Variants in MEX3A observed in about 807,000 individuals in gnomAD.
The protein encoded by MEX3A is mex-3 RNA binding family member A, also known as RNA-binding protein MEX3A.
Under a neutral mutation model 30.0 loss-of-function variants are expected in MEX3A, and 4 were observed. The observed-to-expected ratio is 0.13, with a 90% CI of 0.07 to 0.30. MEX3A has a LOEUF of 0.30. Ranked by LOEUF, MEX3A falls within the 10% of genes least tolerant of loss-of-function variation. MEX3A has a pLI of 1.00. For missense variants in MEX3A, 555 were observed against 736.7 expected, an observed-to-expected ratio of 0.75 and a Z score of 2.86; for synonymous variants, 335 against 327.6, an observed-to-expected ratio of 1.02 and a Z score of -0.24.
chr1:156,081,887 G>T lies in MEX3A; in HGVS notation c.112C>A (p.Leu38Ile). 1 of 1,523,100 alleles carries T rather than the reference G, an allele frequency of 6.6e-7. No homozygotes were observed. Among genetic ancestry groups the T allele is most frequent in the South Asian group, 1.2e-5 (1 of 80,860 alleles). 94.3% of individuals were successfully genotyped at this position (1,523,100 alleles called of 1,614,324 possible). A position where few individuals can be genotyped will look rare whatever the true frequency, so the allele number is the denominator to read the frequency against. ...DRGLLEDERA[L>I]QLALDQLCLL... ...CAGAGTTGATCGAGAGCCAGCTGAA[G>T]GGCGCGCTCGTCTTCCAGCAGCCCT... The change falls in exon 1 of 2, where the codon CTT becomes ATT. Residue 38 changes from leucine to isoleucine, a missense_variant. Around this residue, in one of 6 missense-constraint regions of MEX3A, gnomAD observed 159 missense variants for 159.9 expected, o/e 0.99. Coordinates refer to ENST00000532414, the MANE Select transcript of MEX3A (RefSeq NM_001093725.2).
intron 1 of MEX3A, among the ~76,000 whole-genome samples, chr1:156,080,964 TGACCACAG>T (rs958667340): frequency 1.3e-5 from 2 of 152,042 alleles, no homozygotes; most frequent in African/African-American, 4.8e-5. Context: ...GGGGTGTGGG[TGACCACAG>T]GACCCCCTCC....
chr1:156,081,980 A>G lies in MEX3A; in HGVS notation c.19T>C (p.Ser7Pro). The change falls in exon 1 of 2, where the codon TCT becomes CCT. Residue 7 changes from serine (S) to proline (P), a missense_variant. This residue lies in a region of MEX3A where 159 missense variants were observed against 159.9 expected (regional missense o/e 0.99). Transcript: ENST00000532414. ...CCCCCATTTCTTTCCATTATTCCAG[A>G]TACCACTAGACTAGGCATGGCGAAA... MPSLVVSGIMERNGGFG... is the reference protein window; with the variant it reads MPSLVVPGIMERNGGFG... The G allele has an allele frequency of 6.5e-7, 1 of 1,532,290 alleles. No individual in the cohort carries two copies. Among genetic ancestry groups the G allele is most frequent in the Non-Finnish European group, 8.8e-7 (1 of 1,137,860 alleles). 94.9% of individuals were successfully genotyped at this position (1,532,290 alleles called of 1,614,324 possible). A position where few individuals can be genotyped will look rare whatever the true frequency, so the allele number is the denominator to read the frequency against.
intron 1 of MEX3A, among the ~76,000 whole-genome samples, chr1:156,079,541 T>C (rs1648163257): frequency 6.6e-6 from 1 of 152,198 alleles, no homozygotes; most frequent in African/African-American, 2.4e-5. Flanking sequence ...TAAAAGACCT[T>C]AAGAAGGAAA....
rs1648011371 is a variant in MEX3A, at chr1:156,074,780, T to G, written c.*1794A>C. ...GGAAGTCGTCACAGGGCAGTTTTCT[T>G]GGCTGTGACCTCCTTCCCCACCCCT... On this transcript the variant is annotated 3_prime_UTR_variant, in exon 2 of 2. Transcript: ENST00000532414. 6.6e-6 allele frequency: 1 copy of G among 152,590 alleles called. No homozygotes were observed. Among genetic ancestry groups the G allele is most frequent in the South Asian group, 2.1e-4 (1 of 4,824 alleles). 9.5% of individuals were successfully genotyped at this position (152,590 alleles called of 1,614,324 possible).
chr1:156,078,027 C>G (rs763602070), intron 1 of MEX3A, among the ~76,000 whole-genome samples: 1 of 152,176 alleles, frequency 6.6e-6, no homozygotes, highest in Non-Finnish European at 1.5e-5. Context: ...ACAAACTACA[C>G]TCCTTTCTCC....
chr1:156,076,436 C>T lies in MEX3A; in HGVS notation c.*138G>A. 1 of 912,872 alleles carries T rather than the reference C, an allele frequency of 1.1e-6. No individual in the cohort carries two copies. The highest frequency in any genetic ancestry group is 1.6e-6 in the Non-Finnish European group (1 of 625,534). The allele number at this position is 912,872 out of a possible 1,614,324, so 56.5% of individuals were successfully genotyped here. On this transcript the variant is annotated 3_prime_UTR_variant, in exon 2 of 2. Transcript: ENST00000532414. The surrounding 1 kb of genome is among the most constrained non-coding windows in gnomAD (Gnocchi z 6.0). ...TGGCGCACCCTCCAGCCACCACTGC[C>T]TCCCTCCCCCCTTCCCCAGCGAGCG...
rs1285623463 is a variant in MEX3A, at chr1:156,076,971, G to A, written c.1166C>T (p.Pro389Leu). 2.5e-6 allele frequency: 4 copies of A among 1,612,070 alleles called. No individual in the cohort carries two copies. Among genetic ancestry groups the A allele is most frequent in the Non-Finnish European group, 3.4e-6 (4 of 1,179,264 alleles). The change falls in exon 2 of 2, where the codon CCC (proline) becomes CTC (leucine). Residue 389 changes from proline (P) to leucine (L), a missense_variant. Pro to Leu is a moderately conservative substitution (Grantham distance 98, BLOSUM62 -3). Coordinates refer to ENST00000532414, the MANE Select transcript of MEX3A (RefSeq NM_001093725.2). The surrounding 1 kb of genome is among the most constrained non-coding windows in gnomAD (Gnocchi z 6.0). ...GTTCTCCTGGCCCGCCCACAGCGGG[G>A]GGCTAGTCTCGGCCACGCCGTAGTA... ...DVYYGVAETS[P>L]PLWAGQENAT...
At chr1:156,081,426 C>A (rs1388741081) in intron 1 of MEX3A, 119 bp downstream of exon 1, 1 of 868,274 alleles carries the variant, frequency 1.2e-6, no homozygotes, top group East Asian at 3.0e-5. Flanking sequence ...GGCGGGTCCC[C>A]CTTTGTGGGG....
At chr1:156,079,169 G>C (rs530180335) in intron 1 of MEX3A, among the ~76,000 whole-genome samples, 2 of 152,176 alleles carry the variant, frequency 1.3e-5, no homozygotes, top group African/African-American at 2.4e-5. Flanking sequence ...TGGCAGATTG[G>C]GGGGTGAGGG....
At chr1:156,078,354 A>G (rs1318015257) in intron 1 of MEX3A, among the ~76,000 whole-genome samples, 1 of 152,030 alleles carries the variant, frequency 6.6e-6, no homozygotes, top group Non-Finnish European at 1.5e-5. Flanking sequence ...AGGTCTGACA[A>G]TCATAAGTTC....
chr1:156,075,653 C>G lies in MEX3A; in HGVS notation c.*921G>C, dbSNP rs1648037672. 1 of 152,830 alleles carries G rather than the reference C, an allele frequency of 6.5e-6. No individual in the cohort carries two copies. The highest frequency in any genetic ancestry group is 2.1e-4 in the South Asian group (1 of 4,830). The allele number at this position is 152,830 out of a possible 1,614,324, so 9.5% of individuals were successfully genotyped here. On this transcript the variant is annotated 3_prime_UTR_variant, in exon 2 of 2. Coordinates refer to ENST00000532414, the MANE Select transcript of MEX3A (RefSeq NM_001093725.2). ...AGGGACCATCCAAATATTCCTCCCC[C>G]TACTTCTCCCCAGAAGGATGGTGTC... is the stretch of plus-strand genomic sequence containing the variant.
chr1:156,080,503 C>T (rs1472433684), intron 1 of MEX3A, among the ~76,000 whole-genome samples: 2 of 152,112 alleles, frequency 1.3e-5, no homozygotes, highest in African/African-American at 2.4e-5. Context: ...GCTCCTCCCC[C>T]ACCCCACACC....
chr1:156,080,550 C>T (rs1366445916), intron 1 of MEX3A, among the ~76,000 whole-genome samples: 1 of 151,960 alleles, frequency 6.6e-6, no homozygotes, highest in South Asian at 2.1e-4. Context: ...CCAAATCCTG[C>T]CCCCCACACT....
chr1:156,077,223 A>G lies in MEX3A; in HGVS notation c.914T>C (p.Leu305Pro). 1 of 1,613,672 alleles carries G rather than the reference A, an allele frequency of 6.2e-7. No individual in the cohort carries two copies. Among genetic ancestry groups the G allele is most frequent in the Non-Finnish European group, 8.5e-7 (1 of 1,179,838 alleles). The change falls in exon 2 of 2, where the codon CTG becomes CCG. Residue 305 changes from leucine (L) to proline (P), a missense_variant. Leu to Pro is a moderately conservative substitution (Grantham distance 98). Coordinates refer to ENST00000532414, the MANE Select transcript of MEX3A (RefSeq NM_001093725.2). The surrounding 1 kb of genome is among the most constrained non-coding windows in gnomAD (Gnocchi z 8.3). Reference protein sequence around the residue: ...ILEYNNENDFLAGSPDAAIDS... With the variant: ...ILEYNNENDFPAGSPDAAIDS... The stretch of plus-strand genomic sequence containing the variant: ...GATTGCTGCGTCGGGGCTCCCCGCC[A>G]GGAAGTCGTTTTCATTGTTGTACTC...
At position 156,074,493 on chromosome 1, in the gene MEX3A, A is replaced by T. The variant is rs1648003794; in HGVS notation, c.*2081T>A. ...CTCTCATGCTCTCTTTCTCTCCTCTATTTTGTCTCTCACTATTCGTGTTTT... is the reference window on the plus strand; with the variant it reads ...CTCTCATGCTCTCTTTCTCTCCTCTTTTTTGTCTCTCACTATTCGTGTTTT... On this transcript the variant is annotated 3_prime_UTR_variant, in exon 2 of 2. Coordinates refer to ENST00000532414, the MANE Select transcript of MEX3A (RefSeq NM_001093725.2). The T allele has an allele frequency of 7.6e-6, 1 of 131,836 alleles. No individual in the cohort carries two copies. Among genetic ancestry groups the T allele is most frequent in the Non-Finnish European group, 1.6e-5 (1 of 63,516 alleles). 8.2% of individuals were successfully genotyped at this position (131,836 alleles called of 1,614,324 possible). A position where few individuals can be genotyped will look rare whatever the true frequency, so the allele number is the denominator to read the frequency against.
rs1648067080 is a variant in MEX3A, at chr1:156,076,507, G to A, written c.*67C>T. On this transcript the variant is annotated 3_prime_UTR_variant, in exon 2 of 2. Coordinates refer to ENST00000532414, the MANE Select transcript of MEX3A (RefSeq NM_001093725.2). This position sits in a 1 kb window ranked among gnomAD's most constrained non-coding sequence, Gnocchi z 6.0. ...CCCTCAAATCACCGCTTTCCAAAAGGCTTTAGTGGAAAACAGGTCCAGGGT... is the reference window on the plus strand; with the variant it reads ...CCCTCAAATCACCGCTTTCCAAAAGACTTTAGTGGAAAACAGGTCCAGGGT... The A allele has an allele frequency of 1.3e-5, 20 of 1,488,534 alleles. No homozygotes were observed. The highest frequency in any genetic ancestry group is 1.8e-4 in the Middle Eastern group (1 of 5,584). 92.2% of individuals were successfully genotyped at this position (1,488,534 alleles called of 1,614,324 possible). A position where few individuals can be genotyped will look rare whatever the true frequency, so the allele number is the denominator to read the frequency against.
In MEX3A at chr1:156,081,714, G is replaced by A. The variant is rs1324050834; in HGVS notation, c.285C>T (p.Ala95=). 1.8e-6 allele frequency: 2 copies of A among 1,112,846 alleles called. No homozygotes were observed. Among genetic ancestry groups the A allele is most frequent in the Non-Finnish European group, 2.2e-6 (2 of 899,104 alleles). The allele number at this position is 1,112,846 out of a possible 1,614,324, so 68.9% of individuals were successfully genotyped here. A position where few individuals can be genotyped will look rare whatever the true frequency, so the allele number is the denominator to read the frequency against. Residue 95 remains alanine (A), a synonymous_variant, in exon 1 of 2, where the codon GCC becomes GCT. Coordinates refer to ENST00000532414, the MANE Select transcript of MEX3A (RefSeq NM_001093725.2). ...GGGGCTGGGGCGTCTGCGCTGCGGG[G>A]GCCGCCGTCGGGGCGGCCGGGGGCG... ...PAAPPAAPTA[A]PAAQTPQPPT...
intron 1 of MEX3A, among the ~76,000 whole-genome samples, chr1:156,081,082 C>T (rs920690529): frequency 2.0e-5 from 3 of 152,194 alleles, no homozygotes; most frequent in Admixed American, 6.5e-5. Flanking sequence ...GAGACAGATA[C>T]TCAGTCTGGC....
In MEX3A at chr1:156,082,236, G is replaced by A. The variant is rs1572302425; in HGVS notation, c.-238C>T. ...CGCCCCAGCCCCCGGGGTGGGGGTG[G>A]GGGGAAAGAGAAGCAAAACCAAGAA... On this transcript the variant is annotated 5_prime_UTR_variant, in exon 1 of 2. Transcript: ENST00000532414. 6.6e-6 allele frequency among the ~76,000 whole-genome samples: 1 copy of A among 151,418 alleles called. No individual in the cohort carries two copies. The highest frequency in any genetic ancestry group is 1.5e-5 in the Non-Finnish European group (1 of 67,650).
Sources: allele counts gnomAD v4.1 joint callset (sites outside exome capture counted in the v4.1 genomes callset), GRCh38; gene constraint gnomAD v4.1.1; regional missense constraint gnomAD v4.1.1; non-coding constraint Gnocchi (gnomAD v3.1); transcripts MANE v1.5; gene names NCBI Gene and HGNC (gene_info 2026-07-23, HGNC 2026-07-21).